Variants in ADGRB3 observed in about 807,000 individuals in gnomAD.
ADGRB3 encodes adhesion G protein-coupled receptor B3, also known as brain-specific angiogenesis inhibitor 3.
ADGRB3 carries 37 observed loss-of-function variants against 193.4 expected under a neutral mutation model. The observed-to-expected ratio is 0.19, with a 90% CI of 0.15 to 0.25. The LOEUF is 0.25. Among genes scored for constraint, ADGRB3 ranks in the 10% least tolerant of loss-of-function variants. The probability of loss-of-function intolerance (pLI) is 1.00; values close to 1 mark genes in which losing one functional copy is unlikely to be tolerated. For missense variants in ADGRB3, 1,637 were observed against 1,852.9 expected, an observed-to-expected ratio of 0.88 and a Z score of 2.14; for synonymous variants, 690 against 644.2, an observed-to-expected ratio of 1.07 and a Z score of -1.08.
intron 17 of ADGRB3, among the ~76,000 whole-genome samples, chr6:69,140,986 A>AG (rs1774320831): frequency 1.3e-5 from 2 of 152,164 alleles, no homozygotes; most frequent in African/African-American, 2.4e-5. Context: ...GGAGCTTTCA[A>AG]GGGGGAAGGG....
chr6:68,656,734 G>A (rs117308498), intron 3 of ADGRB3, among the ~76,000 whole-genome samples: 1 of 151,594 alleles, frequency 6.6e-6, no homozygotes, highest in East Asian at 1.9e-4. Flanking sequence ...ATCACTGGAA[G>A]CAATGAGTTT....
intron 8 of ADGRB3, among the ~76,000 whole-genome samples, chr6:68,964,260 C>A (rs1768316311): frequency 6.6e-6 from 1 of 151,996 alleles, no homozygotes; most frequent in Non-Finnish European, 1.5e-5. Flanking sequence ...GTTCAGTTTC[C>A]CCAAATCTCA....
intron 3 of ADGRB3, among the ~76,000 whole-genome samples, chr6:68,721,488 A>AG (rs1765577216): frequency 2.3e-5 from 3 of 131,286 alleles, no homozygotes; most frequent in African/African-American, 5.6e-5. Flanking sequence ...GGGTGGGGGC[A>AG]GGGGGGAGGG....
chr6:68,705,141 C>T (rs1398756338), intron 3 of ADGRB3, among the ~76,000 whole-genome samples: 1 of 152,136 alleles, frequency 6.6e-6, no homozygotes, highest in African/African-American at 2.4e-5. Flanking sequence ...TGTAGTCATT[C>T]CCTTCCCTCT....
chr6:68,990,372 A>G (rs1769201485), intron 10 of ADGRB3, among the ~76,000 whole-genome samples: 1 of 152,132 alleles, frequency 6.6e-6, no homozygotes, highest in Non-Finnish European at 1.5e-5. Flanking sequence ...ACCAGTGTGT[A>G]AAAATATTAC....
At chr6:69,270,767 C>G (rs1021908788) in intron 20 of ADGRB3, among the ~76,000 whole-genome samples, 1 of 152,250 alleles carries the variant, frequency 6.6e-6, no homozygotes, top group Admixed American at 6.5e-5. Flanking sequence ...ATGACATTTT[C>G]CCCAGGTTCA....
chr6:69,361,654 C>T (rs146325414), intron 29 of ADGRB3, 142 bp downstream of exon 29: 12 of 1,038,592 alleles, frequency 1.2e-5, no homozygotes, highest in African/African-American at 1.6e-5. Flanking sequence ...AGTTTTGTAT[C>T]ATGAAAATTT....
At chr6:68,688,303 A>G (rs957769621) in intron 3 of ADGRB3, among the ~76,000 whole-genome samples, 9 of 152,322 alleles carry the variant, frequency 5.9e-5, no homozygotes, top group Middle Eastern at 6.8e-3. Context: ...TCACTCTGAC[A>G]TATGCCATGA....
At chr6:68,674,990 C>T (rs1458673951) in intron 3 of ADGRB3, among the ~76,000 whole-genome samples, 3 of 151,976 alleles carry the variant, frequency 2.0e-5, no homozygotes, top group Admixed American at 6.6e-5. Flanking sequence ...TGTTTTGGAC[C>T]CTGGTTCAGG....
chr6:69,159,734 G>A (rs1314968394), intron 17 of ADGRB3, among the ~76,000 whole-genome samples: 1 of 152,122 alleles, frequency 6.6e-6, no homozygotes, highest in Admixed American at 6.6e-5. Context: ...TGTATAAACT[G>A]ATGACTCTCC....
intron 3 of ADGRB3, among the ~76,000 whole-genome samples, chr6:68,872,563 C>T (rs975955934): frequency 1.3e-5 from 2 of 152,066 alleles, no homozygotes; most frequent in Admixed American, 1.3e-4. Context: ...ATTAAATTCT[C>T]CAGATGAGAG....
chr6:69,265,400 T>C (rs57079296), intron 20 of ADGRB3, among the ~76,000 whole-genome samples: 2 of 152,016 alleles, frequency 1.3e-5, no homozygotes, highest in East Asian at 3.9e-4. Context: ...AACTCTTTAT[T>C]AGTCTGACTA....
chr6:69,180,353 T>C lies in ADGRB3; in HGVS notation c.2481-52937T>C, dbSNP rs183235050. Reference sequence around the variant, plus strand: ...AAGGGCCTTCTTGCACCACAATCTATGCAAAGGAAGTGTGGGGCAGTTTAG... The same window carrying C: ...AAGGGCCTTCTTGCACCACAATCTACGCAAAGGAAGTGTGGGGCAGTTTAG... On this transcript the variant is annotated intron_variant, in intron 17 of 31. Transcript: ENST00000370598. 9.1e-4 allele frequency among the ~76,000 whole-genome samples: 139 copies of C among 152,252 alleles called. 1 individual carries two copies. The highest frequency in any genetic ancestry group is 1.5e-3 in the Non-Finnish European group (105 of 68,014).
At chr6:68,926,262 A>G (rs777146652) in intron 3 of ADGRB3, among the ~76,000 whole-genome samples, 6 of 152,140 alleles carry the variant, frequency 3.9e-5, no homozygotes, top group Non-Finnish European at 8.8e-5. Context: ...TTAATCTGCT[A>G]GGAAGAGTAA....
chr6:68,745,546 T>A (rs1339148161), intron 3 of ADGRB3, among the ~76,000 whole-genome samples: 4 of 152,106 alleles, frequency 2.6e-5, no homozygotes, highest in African/African-American at 9.7e-5. Context: ...TTAAAAATAA[T>A]TAGTAAAGTT....
intron 30 of ADGRB3, 90 bp from the exon 31 acceptor site, chr6:69,382,741 C>T (rs998647413): frequency 1.3e-5 from 12 of 897,128 alleles, no homozygotes; most frequent in Admixed American, 5.9e-5. Context: ...ACTTGATTAC[C>T]CTTATTATTA....
chr6:68,712,018 A>C (rs376998140), intron 3 of ADGRB3, among the ~76,000 whole-genome samples: 1 of 152,116 alleles, frequency 6.6e-6, no homozygotes, highest in East Asian at 1.9e-4. Flanking sequence ...TCTTGCCTTG[A>C]AATATTAGGC....
intron 29 of ADGRB3, among the ~76,000 whole-genome samples, chr6:69,366,787 G>A (rs1769578064): frequency 6.6e-6 from 1 of 152,078 alleles, no homozygotes; most frequent in South Asian, 2.1e-4. Flanking sequence ...AAAATAAAAA[G>A]TCACATTCTT....
At chr6:69,083,257 G>A (rs944797195) in intron 17 of ADGRB3, among the ~76,000 whole-genome samples, 2 of 152,038 alleles carry the variant, frequency 1.3e-5, no homozygotes, top group Non-Finnish European at 2.9e-5. Context: ...TATATTTTCC[G>A]CTTTATTTTG....
Sources: allele counts gnomAD v4.1 joint callset (sites outside exome capture counted in the v4.1 genomes callset), GRCh38; gene constraint gnomAD v4.1.1; transcripts MANE v1.5; gene names NCBI Gene and HGNC (gene_info 2026-07-23, HGNC 2026-07-21).